TTC21A: variants seen among roughly 807,000 people sequenced by gnomAD.
TTC21A encodes the protein tetratricopeptide repeat protein 21A.
Under a neutral mutation model 156.4 loss-of-function variants are expected in TTC21A, and 128 were observed. The ratio of observed to expected loss-of-function variants is 0.82; its 90% CI spans 0.71 to 0.95. The LOEUF (loss-of-function observed/expected upper bound fraction) is 0.95. Ranked by LOEUF, TTC21A falls within the 40% of genes least tolerant of loss-of-function variation. The pLI is 0.00. For missense variants in TTC21A, 1,435 were observed against 1,602.3 expected (o/e 0.90, Z 1.78); for synonymous variants, 587 against 617.1 (o/e 0.95, Z 0.72).
chr3:39,108,059 G>A lies in TTC21A; in HGVS notation c.27+195G>A, dbSNP rs1040648233. On this transcript the variant is annotated intron_variant, in intron 1 of 28. Transcript: ENST00000683103. ...TCTGCGCACCCTGAGCCCCAAATTA[G>A]CATCCCCGTTTCTTGAGCTACCCCA... 7 of 612,078 alleles carry A rather than the reference G, an allele frequency of 1.1e-5. No individual in the cohort carries two copies. The Admixed American group carries it at 1.5e-4, about 13-fold the overall frequency. The allele number at this position is 612,078 out of a possible 1,614,324, so 37.9% of individuals were successfully genotyped here. A position where few individuals can be genotyped will look rare whatever the true frequency, so the allele number is the denominator to read the frequency against.
At chr3:39,125,192 A>AGGATGATGTCCTCTGCTGTCCTCCC in intron 10 of TTC21A, 32 bp downstream of exon 10, 2 of 1,569,762 alleles carry the variant, frequency 1.3e-6, no homozygotes, top group Non-Finnish European at 1.8e-6. Context: ...GGGTTGCTCC[A>AGGATGATGTCCTCTGCTGTCCTCCC]GGATGATGTC....
Position 39,118,136 on chromosome 3 carries a change from G to A in TTC21A, c.784G>A (p.Glu262Lys), listed in dbSNP as rs1303460020. The A allele has an allele frequency of 2.5e-6, 4 of 1,614,060 alleles. No individual in the cohort carries two copies. The highest frequency in any genetic ancestry group is 3.4e-6 in the Non-Finnish European group (4 of 1,180,014). The part of the protein sequence containing the change: ...QILTVHELAR[E>K]GNMTTATNHV... Reference sequence around the variant, plus strand: ...TCTAACCGTGCATGAGCTTGCAAGAGAAGGAAACATGACCACAGTAAGTTC... The same window carrying A: ...TCTAACCGTGCATGAGCTTGCAAGAAAAGGAAACATGACCACAGTAAGTTC... Residue 262 changes from glutamate to lysine, a missense_variant, in exon 7 of 29, where the codon GAA becomes AAA. Glu to Lys is a moderately conservative substitution (Grantham distance 56, BLOSUM62 1). Transcript: ENST00000683103.
At chr3:39,129,431 G>A (rs1471378133) in intron 15 of TTC21A, 121 bp downstream of exon 15, 1 of 765,286 alleles carries the variant, frequency 1.3e-6, no homozygotes, top group African/African-American at 1.7e-5. Flanking sequence ...TGTAGTTGAT[G>A]AATGTATGGA....
At chr3:39,127,132 A>G (rs2038336364) in intron 12 of TTC21A, among the ~76,000 whole-genome samples, 1 of 152,132 alleles carries the variant, frequency 6.6e-6, no homozygotes, top group African/African-American at 2.4e-5. Context: ...AAAGGGAAGG[A>G]GAGGGAAACT....
chr3:39,127,743 A>AG (rs36122172), intron 12 of TTC21A, among the ~76,000 whole-genome samples: 1 of 152,192 alleles, frequency 6.6e-6, no homozygotes, highest in African/African-American at 2.4e-5. Flanking sequence ...CTCAAGCCCC[A>AG]GGGGGTTCAG....
At chr3:39,128,584 G>T (rs1421876862) in intron 13 of TTC21A, 96 bp downstream of exon 13, 1 of 1,576,834 alleles carries the variant, frequency 6.3e-7, no homozygotes, top group Non-Finnish European at 8.6e-7. Flanking sequence ...GCTGTGTCCC[G>T]TAGATCTTTC....
In TTC21A at chr3:39,118,098, A is replaced by T. The variant is rs1345688704; in HGVS notation, c.746A>T (p.Asp249Val). 1.9e-6 allele frequency: 3 copies of T among 1,614,026 alleles called. No homozygotes were observed. The highest frequency in any genetic ancestry group is 2.5e-6 in the Non-Finnish European group (3 of 1,179,998). The change falls in exon 7 of 29, where the codon GAT becomes GTT. Residue 249 changes from aspartate to valine, a missense_variant. Physicochemically the swap from Asp to Val is radical, Grantham distance 152. Coordinates refer to ENST00000683103, the MANE Select transcript of TTC21A (RefSeq NM_001366900.1). ...CTAGAAAAAGATGAGAGCAATATTG[A>T]TGCCTGCCAAATTCTAACCGTGCAT... ...RILEKDESNI[D>V]ACQILTVHEL...
intron 9 of TTC21A, among the ~76,000 whole-genome samples, chr3:39,124,214 A>T (rs1240570328): frequency 6.6e-6 from 1 of 152,198 alleles, no homozygotes; most frequent in Non-Finnish European, 1.5e-5. Context: ...AGTAAATGTG[A>T]AATTAGATGT....
chr3:39,130,058 T>C lies in TTC21A; in HGVS notation c.2136-21T>C. 6.2e-7 allele frequency: 1 copy of C among 1,613,648 alleles called. No homozygotes were observed. Reference sequence around the variant, plus strand: ...GGTGTGTGCGAACCTGGGATAAGCTTTTGGTTACTCTTGCTTGCAGTGAGC... The same window carrying C: ...GGTGTGTGCGAACCTGGGATAAGCTCTTGGTTACTCTTGCTTGCAGTGAGC... On this transcript the variant is annotated intron_variant, in intron 15 of 28. Coordinates refer to ENST00000683103, the MANE Select transcript of TTC21A (RefSeq NM_001366900.1). The surrounding 1 kb of genome is among the most constrained non-coding windows in gnomAD (Gnocchi z 4.5).
Position 39,130,424 on chromosome 3 carries a change from A to G in TTC21A, c.2319+66A>G. 3 of 1,336,884 alleles carry G rather than the reference A, an allele frequency of 2.2e-6. No individual in the cohort carries two copies. Among genetic ancestry groups the G allele is most frequent in the Non-Finnish European group, 3.1e-6 (3 of 959,544 alleles). The allele number at this position is 1,336,884 out of a possible 1,614,324, so 82.8% of individuals were successfully genotyped here. A position where few individuals can be genotyped will look rare whatever the true frequency, so the allele number is the denominator to read the frequency against. ...CCCAGCAGGGAAGGAGGAGGACGGT[A>G]CATGACTGGGGAGCTCTGGGTGGGA... is the stretch of plus-strand genomic sequence containing the variant. On this transcript the variant is annotated intron_variant, in intron 17 of 28. Transcript: ENST00000683103. This position sits in a 1 kb window ranked among gnomAD's most constrained non-coding sequence, Gnocchi z 4.5.
rs747318065 is a variant in TTC21A, at chr3:39,137,173, T to C, written c.3258-22T>C. On this transcript the variant is annotated intron_variant, in intron 24 of 28. Transcript: ENST00000683103. ...GGGCAGGCCACCGGCCTGTGTCTGA[T>C]ACCCAGGTCTAACACCTGCAGCTAC... 159 of 1,606,000 alleles carry C rather than the reference T, an allele frequency of 9.9e-5. 1 individual carries two copies. The East Asian group carries it at 3.4e-3, about 34-fold the overall frequency.
At chr3:39,114,524 C>A in intron 5 of TTC21A, 61 bp from the exon 6 acceptor site, 1 of 1,554,228 alleles carries the variant, frequency 6.4e-7, no homozygotes, top group South Asian at 1.1e-5. Context: ...CAACCCCCCT[C>A]CAGCAAACTC....
At chr3:39,122,322 GAAAA>G (rs33971042) in intron 9 of TTC21A, among the ~76,000 whole-genome samples, 20 of 148,602 alleles carry the variant, frequency 1.3e-4, no homozygotes, top group South Asian at 1.3e-3. Context: ...AAAAAAGAAA[GAAAA>G]AAAAAAAAAA....
At chr3:39,110,358 C>T (rs2036706176) in intron 3 of TTC21A, 1 of 607,772 alleles carries the variant, frequency 1.6e-6, no homozygotes, top group Admixed American at 2.6e-5. Flanking sequence ...AGGCAGAGCC[C>T]ATGACAGTGG....
Position 39,107,855 on chromosome 3 carries a change from C to A in TTC21A, c.18C>A (p.Ser6=). 1 of 1,613,104 alleles carries A rather than the reference C, an allele frequency of 6.2e-7. No homozygotes were observed. Among genetic ancestry groups the A allele is most frequent in the East Asian group, 2.2e-5 (1 of 44,872 alleles). MSSND[S]SLMAGIIYYS... ...GGCCCGAGATGAGCAGCAATGACTC[C>A]TCCCTTATGGTGCGTGGCCCGGGCG... Residue 6 remains serine, a synonymous_variant, in exon 1 of 29, where the codon TCC becomes TCA. Coordinates refer to ENST00000683103, the MANE Select transcript of TTC21A (RefSeq NM_001366900.1).
chr3:39,117,975 A>G (rs2037429358), intron 6 of TTC21A, 94 bp from the exon 7 acceptor site: 2 of 860,868 alleles, frequency 2.3e-6, no homozygotes, highest in Admixed American at 3.6e-5. Flanking sequence ...AGAGGGGAGA[A>G]TGGATATTCA....
chr3:39,118,208 C>G (rs1193317883), intron 7 of TTC21A, 55 bp downstream of exon 7: 3 of 1,555,910 alleles, frequency 1.9e-6, no homozygotes, highest in African/African-American at 2.7e-5. Context: ...AAGGAGGAAC[C>G]CTTCATGACC....
At chr3:39,129,599 CTG>C (rs1266255346) in intron 15 of TTC21A, among the ~76,000 whole-genome samples, 2 of 152,222 alleles carry the variant, frequency 1.3e-5, no homozygotes, top group African/African-American at 4.8e-5. Context: ...AGCAGACACA[CTG>C]AAGCTCCAAG....
At chr3:39,127,233 G>A (rs2038346133) in intron 12 of TTC21A, among the ~76,000 whole-genome samples, 2 of 152,196 alleles carry the variant, frequency 1.3e-5, no homozygotes, top group Admixed American at 1.3e-4. Context: ...CTGCCTGCCT[G>A]GAAACCAGGC....
Sources: allele counts gnomAD v4.1 joint callset (sites outside exome capture counted in the v4.1 genomes callset), GRCh38; gene constraint gnomAD v4.1.1; non-coding constraint Gnocchi (gnomAD v3.1); transcripts MANE v1.5; gene names NCBI Gene and HGNC (gene_info 2026-07-23, HGNC 2026-07-21).